The following NRXN3 variants were observed in gnomAD, a reference collection of about 807,000 sequenced individuals.
NRXN3 encodes the protein neurexin III.
In NRXN3, 32 loss-of-function variants were observed where a neutral mutation model predicts 137.6. The observed-to-expected ratio is 0.23, with a 90% CI of 0.18 to 0.31. The LOEUF (loss-of-function observed/expected upper bound fraction) is 0.31. Ranked by LOEUF, NRXN3 falls within the 10% of genes least tolerant of loss-of-function variation. NRXN3 has a pLI of 1.00. For synonymous variants in NRXN3, 798 were observed against 784.5 expected (o/e 1.02, Z -0.29); for missense variants, 1,574 against 2,062.5 (o/e 0.76, Z 4.59).
intron 6 of NRXN3, among the ~76,000 whole-genome samples, chr14:78,668,614 C>T (rs1047278436): frequency 2.6e-5 from 4 of 152,138 alleles, no homozygotes; most frequent in African/African-American, 9.7e-5. Context: ...CAGGACAGCC[C>T]TTCGGTGACA....
At chr14:78,540,803 G>A (rs1246319684) in intron 4 of NRXN3, among the ~76,000 whole-genome samples, 1 of 152,166 alleles carries the variant, frequency 6.6e-6, no homozygotes, top group East Asian at 1.9e-4. Context: ...GCTCTTGTAA[G>A]ACAGGTCTGG....
chr14:78,783,379 GAC>G (rs1405494998), intron 8 of NRXN3, among the ~76,000 whole-genome samples: 2 of 152,072 alleles, frequency 1.3e-5, no homozygotes, highest in Admixed American at 6.5e-5. Context: ...AGACATGAAA[GAC>G]AACAAAAGAC....
At chr14:78,780,593 A>T (rs1044044905) in intron 8 of NRXN3, among the ~76,000 whole-genome samples, 12 of 152,194 alleles carry the variant, frequency 7.9e-5, no homozygotes, top group Non-Finnish European at 1.2e-4. Context: ...GACCCCCTAC[A>T]TGTGATCAAG....
chr14:79,384,565 C>A (rs2094553760), intron 15 of NRXN3, among the ~76,000 whole-genome samples: 1 of 152,136 alleles, frequency 6.6e-6, no homozygotes, highest in African/African-American at 2.4e-5. Flanking sequence ...AAAAGACATT[C>A]ACAGATTATG....
chr14:78,466,534 A>T (rs2095111575), intron 4 of NRXN3, among the ~76,000 whole-genome samples: 1 of 152,202 alleles, frequency 6.6e-6, no homozygotes, highest in Non-Finnish European at 1.5e-5. Context: ...AAAGATGTAG[A>T]AAAGAAAGTG....
intron 4 of NRXN3, among the ~76,000 whole-genome samples, chr14:78,322,226 G>A (rs541447807): frequency 6.6e-6 from 1 of 152,018 alleles, no homozygotes; most frequent in South Asian, 2.1e-4. Context: ...AATCCTTTGG[G>A]GAAGATGCCT....
chr14:79,402,306 C>A (rs531747220), intron 15 of NRXN3, among the ~76,000 whole-genome samples: 1 of 152,298 alleles, frequency 6.6e-6, no homozygotes, highest in Admixed American at 6.5e-5. Context: ...AACTATACAA[C>A]ATGTACTACG....
Position 78,651,448 on chromosome 14 carries a change from A to G in NRXN3, c.1221+122A>G, listed in dbSNP as rs1232890216. ...TATGAGATGATAGATTGCAGCAGAA[A>G]CAACCTTGAACTTGGAAGTAGGTGT... On this transcript the variant is annotated intron_variant, in intron 6 of 20. Coordinates refer to ENST00000335750, the MANE Select transcript of NRXN3 (RefSeq NM_001330195.2). 16 of 1,134,688 alleles carry G rather than the reference A, an allele frequency of 1.4e-5. No individual in the cohort carries two copies. In the Admixed American group the frequency reaches 4.0e-4, roughly 29 times the overall value. 70.3% of individuals were successfully genotyped at this position (1,134,688 alleles called of 1,614,324 possible).
chr14:79,409,623 A>C (rs1453237008), intron 15 of NRXN3, among the ~76,000 whole-genome samples: 2 of 143,644 alleles, frequency 1.4e-5, no homozygotes, highest in South Asian at 2.2e-4. Context: ...GTGTCTATAT[A>C]TATATATATA....
Position 78,718,893 on chromosome 14 carries a change from C to G in NRXN3, c.2044+3754C>G, listed in dbSNP as rs547188548. ...CAGATAGGTTGAAATTCTTTAGTAT[C>G]ATAGAATACCACCTACCATCCAGTG... On this transcript the variant is annotated intron_variant, in intron 8 of 20. Transcript: ENST00000335750. Among the ~76,000 whole-genome samples, 8 of 152,298 alleles carry G rather than the reference C, an allele frequency of 5.3e-5. No homozygotes were observed. In the East Asian group the frequency reaches 1.5e-3, roughly 29 times the overall value.
intron 15 of NRXN3, among the ~76,000 whole-genome samples, chr14:79,321,898 C>CAT (rs940453746): frequency 1.1e-4 from 16 of 149,588 alleles, no homozygotes; most frequent in Non-Finnish European, 2.4e-4. Flanking sequence ...CACACACACA[C>CAT]ATATATATAT....
chr14:78,222,018 G>A (rs1186523415), intron 1 of NRXN3, among the ~76,000 whole-genome samples: 1 of 152,180 alleles, frequency 6.6e-6, no homozygotes, highest in Non-Finnish European at 1.5e-5. Flanking sequence ...AGGAAGAGAG[G>A]TGGGGTTGCA....
intron 4 of NRXN3, among the ~76,000 whole-genome samples, chr14:78,469,254 G>A (rs1310361764): frequency 6.6e-6 from 1 of 151,968 alleles, no homozygotes; most frequent in Non-Finnish European, 1.5e-5. Flanking sequence ...TTCTTCTTGT[G>A]CCCATACGTT....
At chr14:78,357,921 ACAT>A (rs1378162596) in intron 4 of NRXN3, among the ~76,000 whole-genome samples, 4 of 152,326 alleles carry the variant, frequency 2.6e-5, no homozygotes, top group Middle Eastern at 3.4e-3. Context: ...ACAGCATCCT[ACAT>A]CATCTTCTTC....
chr14:78,781,759 A>G (rs561284118), intron 8 of NRXN3, among the ~76,000 whole-genome samples: 1 of 152,380 alleles, frequency 6.6e-6, no homozygotes, highest in South Asian at 2.1e-4. Context: ...TAGAATTCAG[A>G]ACAATATATA....
At chr14:79,257,751 CATG>C (rs1568822147) in intron 15 of NRXN3, among the ~76,000 whole-genome samples, 1 of 151,614 alleles carries the variant, frequency 6.6e-6, no homozygotes, top group African/African-American at 2.4e-5. Context: ...TCAGGAAGAT[CATG>C]ATATCAACCT....
intron 10 of NRXN3, among the ~76,000 whole-genome samples, chr14:78,879,545 T>C (rs145657269): frequency 0.014 from 2,100 of 152,342 alleles, 26 homozygotes; most frequent in Middle Eastern, 0.051. Flanking sequence ...TCTATTTAGA[T>C]CCTTTGCTTA....
chr14:79,330,231 A>G (rs1207131512), intron 15 of NRXN3, among the ~76,000 whole-genome samples: 1 of 152,136 alleles, frequency 6.6e-6, no homozygotes, highest in Non-Finnish European at 1.5e-5. Context: ...AGCTATTGTG[A>G]GAGTCCAGGT....
At chr14:79,340,387 G>T (rs544826866) in intron 15 of NRXN3, among the ~76,000 whole-genome samples, 2 of 152,178 alleles carry the variant, frequency 1.3e-5, no homozygotes, top group Non-Finnish European at 2.9e-5. Flanking sequence ...GAAGATGAAG[G>T]TTATGCCAGT....
Sources: gnomAD v4.1 joint callset for allele counts (sites outside exome capture counted in the v4.1 genomes callset) on GRCh38, gnomAD v4.1.1 for gene constraint, MANE v1.5 for transcripts, NCBI Gene and HGNC (gene_info 2026-07-23, HGNC 2026-07-21) for gene names.